The following B3GALT1 variants were observed in gnomAD, a reference collection of about 807,000 sequenced individuals.
B3GALT1 encodes UDP-Gal:betaGlcNAc beta 1,3-galactosyltransferase, polypeptide 1.
Under a neutral mutation model 23.2 loss-of-function variants are expected in B3GALT1, and 10 were observed. The observed-to-expected ratio is 0.43, with a 90% CI of 0.27 to 0.73. The LOEUF (loss-of-function observed/expected upper bound fraction) is 0.73. B3GALT1 is among the 30% of genes least tolerant of loss of function. The pLI is 0.21. For synonymous variants in B3GALT1, 156 were observed against 141.5 expected, an observed-to-expected ratio of 1.10 and a Z score of -0.73; for missense variants, 299 against 405.4, an observed-to-expected ratio of 0.74 and a Z score of 2.25.
At chr2:167,592,954 G>A (rs1684709800) in intron 2 of B3GALT1, among the ~76,000 whole-genome samples, 1 of 152,156 alleles carries the variant, frequency 6.6e-6, no homozygotes. Context: ...AAATGCAATG[G>A]GAAGTCATGT....
intron 4 of B3GALT1, among the ~76,000 whole-genome samples, chr2:167,865,344 A>G (rs1314009364): frequency 1.3e-5 from 2 of 152,142 alleles, no homozygotes; most frequent in Admixed American, 6.6e-5. Flanking sequence ...AGGAGGTTTC[A>G]GTGAGCCAAG....
At chr2:167,420,069 A>C (rs1698523691) in intron 1 of B3GALT1, among the ~76,000 whole-genome samples, 1 of 152,208 alleles carries the variant, frequency 6.6e-6, no homozygotes, top group African/African-American at 2.4e-5. Flanking sequence ...CATCCCTTAG[A>C]GCATCATTCC....
At chr2:167,733,401 A>G (rs1233595230) in intron 3 of B3GALT1, among the ~76,000 whole-genome samples, 1 of 150,890 alleles carries the variant, frequency 6.6e-6, no homozygotes, top group East Asian at 2.0e-4. Flanking sequence ...TTCTTAAAAC[A>G]TTATGAGTTT....
At chr2:167,469,145 T>C (rs1197652269) in intron 1 of B3GALT1, among the ~76,000 whole-genome samples, 1 of 152,168 alleles carries the variant, frequency 6.6e-6, no homozygotes, top group Non-Finnish European at 1.5e-5. Context: ...GTGAGCTATG[T>C]AGTGGTATTC....
chr2:167,709,773 C>T (rs1687021507), intron 3 of B3GALT1, among the ~76,000 whole-genome samples: 1 of 151,994 alleles, frequency 6.6e-6, no homozygotes, highest in Non-Finnish European at 1.5e-5. Context: ...AAGAGCCTGA[C>T]TAAGAAGTCT....
At chr2:167,304,017 A>G (rs1281947553) in intron 1 of B3GALT1, among the ~76,000 whole-genome samples, 1 of 152,128 alleles carries the variant, frequency 6.6e-6, no homozygotes, top group Admixed American at 6.6e-5. Context: ...AGCTTCATCA[A>G]GGTCTTCCAT....
chr2:167,732,157 A>C (rs1430378463), intron 3 of B3GALT1, among the ~76,000 whole-genome samples: 1 of 152,228 alleles, frequency 6.6e-6, no homozygotes, highest in Non-Finnish European at 1.5e-5. Context: ...ATTGCAACAG[A>C]CGTTTTATGA....
intron 1 of B3GALT1, among the ~76,000 whole-genome samples, chr2:167,429,102 A>AC (rs1427409265): frequency 6.6e-6 from 1 of 151,544 alleles, no homozygotes; most frequent in Non-Finnish European, 1.5e-5. Flanking sequence ...ACACGGTGAA[A>AC]CCCCGTCTCT....
At chr2:167,834,379 C>T (rs11890043) in intron 4 of B3GALT1, among the ~76,000 whole-genome samples, 1 of 152,088 alleles carries the variant, frequency 6.6e-6, no homozygotes, top group Non-Finnish European at 1.5e-5. Context: ...TATTGTGCAT[C>T]CTTTGTAAGG....
At chr2:167,791,342 A>G (rs1049120364) in intron 3 of B3GALT1, among the ~76,000 whole-genome samples, 4 of 152,298 alleles carry the variant, frequency 2.6e-5, no homozygotes, top group Admixed American at 6.5e-5. Flanking sequence ...AAAAAAATCC[A>G]GATGTAGGTA....
intron 3 of B3GALT1, among the ~76,000 whole-genome samples, chr2:167,737,230 T>A (rs1306884858): frequency 6.6e-6 from 1 of 152,208 alleles, no homozygotes; most frequent in Non-Finnish European, 1.5e-5. Flanking sequence ...TTAAGTTTTG[T>A]GAAGTGGGTA....
intron 1 of B3GALT1, among the ~76,000 whole-genome samples, chr2:167,469,256 G>A (rs1699390645): frequency 6.6e-6 from 1 of 152,114 alleles, no homozygotes; most frequent in African/African-American, 2.4e-5. Context: ...AGTAGCTTTG[G>A]GAATCTTACT....
intron 1 of B3GALT1, among the ~76,000 whole-genome samples, chr2:167,365,780 A>G (rs1697575862): frequency 6.6e-6 from 1 of 152,226 alleles, no homozygotes; most frequent in South Asian, 2.1e-4. Flanking sequence ...AGACACACCT[A>G]CTGATACAGC....
At chr2:167,741,094 C>G (rs1257654210) in intron 3 of B3GALT1, among the ~76,000 whole-genome samples, 2 of 152,190 alleles carry the variant, frequency 1.3e-5, no homozygotes, top group Non-Finnish European at 2.9e-5. Context: ...TTGTCTCTCT[C>G]TGTCATGGAC....
At chr2:167,569,635 A>G (rs776657702) in intron 2 of B3GALT1, among the ~76,000 whole-genome samples, 3 of 151,772 alleles carry the variant, frequency 2.0e-5, no homozygotes, top group Non-Finnish European at 4.4e-5. Flanking sequence ...TTCCTTCCCA[A>G]TCTGTATACT....
At chr2:167,432,663 C>T (rs1698723368) in intron 1 of B3GALT1, among the ~76,000 whole-genome samples, 1 of 152,210 alleles carries the variant, frequency 6.6e-6, no homozygotes, top group Non-Finnish European at 1.5e-5. Flanking sequence ...AGATAGTCCT[C>T]CACCTTTGAA....
intron 1 of B3GALT1, among the ~76,000 whole-genome samples, chr2:167,464,780 A>C (rs1177755821): frequency 6.6e-6 from 1 of 152,214 alleles, no homozygotes; most frequent in Non-Finnish European, 1.5e-5. Context: ...GAGTGCAATG[A>C]ATGAAGTTAC....
chr2:167,692,030 T>A (rs1026165825), intron 3 of B3GALT1, among the ~76,000 whole-genome samples: 1 of 152,116 alleles, frequency 6.6e-6, no homozygotes, highest in Admixed American at 6.6e-5. Context: ...TGGCACACAT[T>A]TTAGCAAATA....
intron 2 of B3GALT1, among the ~76,000 whole-genome samples, chr2:167,645,941 G>C (rs534155884): frequency 6.6e-6 from 1 of 152,022 alleles, no homozygotes; most frequent in Non-Finnish European, 1.5e-5. Flanking sequence ...TGAGTTTACC[G>C]TAAGGAGAAT....
Sources: gnomAD v4.1 joint callset for allele counts (sites outside exome capture counted in the v4.1 genomes callset) on GRCh38, gnomAD v4.1.1 for gene constraint, MANE v1.5 for transcripts, NCBI Gene and HGNC (gene_info 2026-07-23, HGNC 2026-07-21) for gene names.